The following RASSF9 variants were observed in gnomAD, a reference collection of about 807,000 sequenced individuals.
RASSF9 encodes the protein Ras association domain family member 9.
RASSF9 carries 18 observed loss-of-function variants against 21.4 expected under a neutral mutation model. The observed-to-expected ratio is 0.84, with a 90% CI of 0.58 to 1.25. RASSF9 has a LOEUF of 1.25. Among genes scored for constraint, RASSF9 ranks in the 50% most tolerant of loss-of-function variants. The probability of loss-of-function intolerance (pLI) is 0.00; values close to 1 mark genes in which losing one functional copy is unlikely to be tolerated. For synonymous variants in RASSF9, 183 were observed against 179.1 expected, an observed-to-expected ratio of 1.02 and a Z score of -0.18; for missense variants, 480 against 503.2, an observed-to-expected ratio of 0.95 and a Z score of 0.44.
intron 1 of RASSF9, among the ~76,000 whole-genome samples, chr12:85,808,556 T>C (rs1879885024): frequency 6.6e-6 from 1 of 152,092 alleles, no homozygotes; most frequent in Non-Finnish European, 1.5e-5. Context: ...ACACAAATAC[T>C]GTCTAAACAA....
rs969636691 is a variant in RASSF9 at position 85,802,801 on chromosome 12, C to T, written c.*1901G>A. On this transcript the variant is annotated 3_prime_UTR_variant, in exon 2 of 2. Coordinates refer to ENST00000361228, the MANE Select transcript of RASSF9 (RefSeq NM_005447.4). ...CCCCATTAGTGAACAATGAATATGT[C>T]AGTGGCTTATATTGTTGAATAATTT... 1 of 152,124 alleles carries T rather than the reference C, an allele frequency of 6.6e-6. No homozygotes were observed. The highest frequency in any genetic ancestry group is 2.4e-5 in the African/African-American group (1 of 41,442). 9.4% of individuals were successfully genotyped at this position (152,124 alleles called of 1,614,324 possible). A position where few individuals can be genotyped will look rare whatever the true frequency, so the allele number is the denominator to read the frequency against.
intron 1 of RASSF9, among the ~76,000 whole-genome samples, chr12:85,810,289 G>C (rs545441579): frequency 4.7e-4 from 72 of 152,012 alleles, no homozygotes; most frequent in African/African-American, 1.7e-3. Context: ...TGGGAAATGT[G>C]TATGATACAA....
intron 1 of RASSF9, among the ~76,000 whole-genome samples, chr12:85,812,965 T>C (rs1879983259): frequency 6.6e-6 from 1 of 151,840 alleles, no homozygotes; most frequent in Non-Finnish European, 1.5e-5. Flanking sequence ...AAATCATTAG[T>C]ATACACTTTG....
rs151278279 is a variant in RASSF9, at chr12:85,826,250, C to T, written c.47+9905G>A. ...TCTTTATGATGACACACATGTATCT[C>T]CAGTTACTCAGAACCAAAATCTAGT... On this transcript the variant is annotated intron_variant, in intron 1 of 1. Coordinates refer to ENST00000361228, the MANE Select transcript of RASSF9 (RefSeq NM_005447.4). Among the ~76,000 whole-genome samples, 482 of 152,226 alleles carry T rather than the reference C, an allele frequency of 3.2e-3. 3 individuals carry two copies. Among genetic ancestry groups the T allele is most frequent in the African/African-American group, 0.011 (458 of 41,528 alleles).
At chr12:85,807,768 C>G (rs1879867171) in intron 1 of RASSF9, among the ~76,000 whole-genome samples, 1 of 152,014 alleles carries the variant, frequency 6.6e-6, no homozygotes, top group South Asian at 2.1e-4. Flanking sequence ...AAAAATGACA[C>G]AGGTAGTAAA....
chr12:85,820,444 C>A (rs59406505), intron 1 of RASSF9, among the ~76,000 whole-genome samples: 1 of 151,948 alleles, frequency 6.6e-6, no homozygotes, highest in Non-Finnish European at 1.5e-5. Context: ...TCATAAAGCC[C>A]CAAGAAAAGG....
intron 1 of RASSF9, among the ~76,000 whole-genome samples, chr12:85,807,584 C>T (rs564543778): frequency 6.6e-6 from 1 of 151,938 alleles, no homozygotes; most frequent in African/African-American, 2.4e-5. Flanking sequence ...GTACAGATAT[C>T]ATAAAGGAAT....
Position 85,801,654 on chromosome 12 carries a change from A to C in RASSF9, c.*3048T>G, listed in dbSNP as rs565523872. On this transcript the variant is annotated 3_prime_UTR_variant, in exon 2 of 2. Coordinates refer to ENST00000361228, the MANE Select transcript of RASSF9 (RefSeq NM_005447.4). ...GGTGAAACCCCGTCTCTACTAAAAA[A>C]ATACAAAAAAATTAGCCTGGCGTGG... is the stretch of plus-strand genomic sequence containing the variant. 6.6e-6 allele frequency: 1 copy of C among 152,466 alleles called. No individual in the cohort carries two copies. The highest frequency in any genetic ancestry group is 1.9e-4 in the East Asian group (1 of 5,172). 9.4% of individuals were successfully genotyped at this position (152,466 alleles called of 1,614,324 possible). A position where few individuals can be genotyped will look rare whatever the true frequency, so the allele number is the denominator to read the frequency against.
Position 85,836,178 on chromosome 12 carries a change from C to T in RASSF9, c.24G>A (p.Leu8=). ...ACCTGTTTTTATGCCGAGTCTTTAG[C>T]AAGTTTCTTCCAAAGGGAGCCATGG... The part of the protein sequence containing the change: MAPFGRN[L]LKTRHKNRSP... The change falls in exon 1 of 2, where the codon TTG becomes TTA. Residue 8 remains leucine, a synonymous_variant. Coordinates refer to ENST00000361228, the MANE Select transcript of RASSF9 (RefSeq NM_005447.4). The T allele has an allele frequency of 2.0e-6, 3 of 1,524,766 alleles. No individual in the cohort carries two copies. Among genetic ancestry groups the T allele is most frequent in the Non-Finnish European group, 2.6e-6 (3 of 1,132,460 alleles). The allele number at this position is 1,524,766 out of a possible 1,614,324, so 94.5% of individuals were successfully genotyped here.
intron 1 of RASSF9, among the ~76,000 whole-genome samples, chr12:85,825,071 C>T (rs914936402): frequency 7.9e-5 from 12 of 152,058 alleles, no homozygotes; most frequent in Non-Finnish European, 1.0e-4. Context: ...GGTGCGATCT[C>T]GGCTCACTGC....
rs1041222624 is a variant in RASSF9 at position 85,836,286 on chromosome 12, G to C, written c.-85C>G. 1.7e-5 allele frequency: 26 copies of C among 1,521,292 alleles called. No individual in the cohort carries two copies. The highest frequency in any genetic ancestry group is 4.2e-5 in the African/African-American group (3 of 72,244). The allele number at this position is 1,521,292 out of a possible 1,614,324, so 94.2% of individuals were successfully genotyped here. The stretch of plus-strand genomic sequence containing the variant: ...GGTGTCTGGATTTCCAGGGTGAAGG[G>C]AGGAGGGCTGGAAGCTTTCTCTTCT... On this transcript the variant is annotated 5_prime_UTR_variant, in exon 1 of 2. Transcript: ENST00000361228.
chr12:85,810,620 T>C (rs1383129611), intron 1 of RASSF9, among the ~76,000 whole-genome samples: 1 of 152,036 alleles, frequency 6.6e-6, no homozygotes. Flanking sequence ...AGTCGTCTGA[T>C]ATAAATAAAT....
intron 1 of RASSF9, among the ~76,000 whole-genome samples, chr12:85,810,446 A>C (rs2136552302): frequency 6.6e-6 from 1 of 152,130 alleles, no homozygotes; most frequent in East Asian, 1.9e-4. Context: ...AGACTGATAT[A>C]GACTTATGAC....
At chr12:85,809,879 C>A (rs1448095) in intron 1 of RASSF9, among the ~76,000 whole-genome samples, 149,485 of 152,042 alleles carry the variant, frequency 0.98, 73,532 homozygotes, top group Middle Eastern at 1. Flanking sequence ...GTTCTGTTAC[C>A]TACTAAAAAA....
chr12:85,804,097 C>G lies in RASSF9; in HGVS notation c.*605G>C, dbSNP rs780720042. On this transcript the variant is annotated 3_prime_UTR_variant, in exon 2 of 2. Transcript: ENST00000361228. ...GGCCCTGCCTCATCTGTACCCTATA[C>G]GTGTCTGATTCCCTGCCAGTATTTA... The G allele has an allele frequency of 6.6e-6, 1 of 152,254 alleles. No individual in the cohort carries two copies. Among genetic ancestry groups the G allele is most frequent in the East Asian group, 1.9e-4 (1 of 5,192 alleles). The allele number at this position is 152,254 out of a possible 1,614,324, so 9.4% of individuals were successfully genotyped here. A position where few individuals can be genotyped will look rare whatever the true frequency, so the allele number is the denominator to read the frequency against.
At chr12:85,822,108 T>A (rs1880225356) in intron 1 of RASSF9, among the ~76,000 whole-genome samples, 1 of 152,216 alleles carries the variant, frequency 6.6e-6, no homozygotes, top group East Asian at 1.9e-4. Flanking sequence ...CTAGCCTTAA[T>A]GTTTAGTTTA....
chr12:85,804,764 T>C lies in RASSF9; in HGVS notation c.1246A>G (p.Ser416Gly), dbSNP rs1415836612. ...TCGGAGTCCTGACTGTGGTTAGAAC[T>C]GATACCAGTGTCCGAGTCTGTGTCA... is the stretch of plus-strand genomic sequence containing the variant. ...TNDTDSDTGISSNHSQDSETT... is the reference protein window; with the variant it reads ...TNDTDSDTGIGSNHSQDSETT... Residue 416 changes from serine to glycine, a missense_variant, in exon 2 of 2, where the codon AGT (serine) becomes GGT (glycine). Physicochemically the swap from Ser to Gly is moderately conservative, Grantham distance 56. Coordinates refer to ENST00000361228, the MANE Select transcript of RASSF9 (RefSeq NM_005447.4). 1 of 1,613,918 alleles carries C rather than the reference T, an allele frequency of 6.2e-7. No individual in the cohort carries two copies. Among genetic ancestry groups the C allele is most frequent in the Admixed American group, 1.7e-5 (1 of 60,028 alleles).
intron 1 of RASSF9, among the ~76,000 whole-genome samples, chr12:85,806,769 T>C (rs1879846681): frequency 6.6e-6 from 1 of 150,960 alleles, no homozygotes; most frequent in South Asian, 2.2e-4. Context: ...TTTTATTTCC[T>C]AGTGTGCTCT....
chr12:85,833,672 C>A lies in RASSF9; in HGVS notation c.47+2483G>T, dbSNP rs1880500893. Among the ~76,000 whole-genome samples, 3 of 151,878 alleles carry A rather than the reference C, an allele frequency of 2.0e-5. No individual in the cohort carries two copies. In the South Asian group the frequency reaches 6.2e-4, roughly 31 times the overall value. ...TTTATGATCTTTAATCCCCAATGTT[C>A]CTTCTAACAGTTCATATATTTTCCT... On this transcript the variant is annotated intron_variant, in intron 1 of 1. Coordinates refer to ENST00000361228, the MANE Select transcript of RASSF9 (RefSeq NM_005447.4).
Sources: gnomAD v4.1 joint callset for allele counts (sites outside exome capture counted in the v4.1 genomes callset) on GRCh38, gnomAD v4.1.1 for gene constraint, MANE v1.5 for transcripts, NCBI Gene and HGNC (gene_info 2026-07-23, HGNC 2026-07-21) for gene names.